Variants in SCGB2B2 observed in about 807,000 individuals in gnomAD.
The protein encoded by SCGB2B2 is secretoglobin family 2B member 2.
A neutral mutation model predicts 7.6 loss-of-function variants in SCGB2B2; 11 were observed. That is an observed-to-expected ratio of 1.45 (90% CI 0.91 to 2.40). SCGB2B2 has a LOEUF of 2.40. Among genes scored for constraint, SCGB2B2 ranks in the 30% most tolerant of loss-of-function variants. The pLI, the probability that SCGB2B2 is intolerant of heterozygous loss-of-function variation, is 0.00. For missense variants in SCGB2B2, 104 were observed against 115.4 expected, an observed-to-expected ratio of 0.90 and a Z score of 0.45; for synonymous variants, 50 against 48.6, an observed-to-expected ratio of 1.03 and a Z score of -0.12.
chr19:34,588,050 T>C (rs575303583), downstream of SCGB2B2, among the ~76,000 whole-genome samples: 8 of 152,334 alleles, frequency 5.3e-5, no homozygotes, highest in Admixed American at 5.2e-4. Context: ...TAAACTGAAT[T>C]TGGAAGAATT....
chr19:34,615,858 T>A (rs1323482091), intron 1 of SCGB2B2, among the ~76,000 whole-genome samples: 3 of 112,886 alleles, frequency 2.7e-5, no homozygotes, highest in Non-Finnish European at 5.2e-5. Context: ...CCCACAACAG[T>A]CCCCAGAGTG....
chr19:34,630,970 T>C (rs975944241), intron 1 of SCGB2B2, among the ~76,000 whole-genome samples: 4 of 151,784 alleles, frequency 2.6e-5, no homozygotes, highest in Non-Finnish European at 4.4e-5. Context: ...TGTAGGGACA[T>C]GGATGAAGCT....
At chr19:34,597,676 G>A (rs1184189758) in intron 1 of SCGB2B2, among the ~76,000 whole-genome samples, 2 of 152,138 alleles carry the variant, frequency 1.3e-5, no homozygotes, top group Non-Finnish European at 2.9e-5. Flanking sequence ...CTGGGCACAG[G>A]AGGGACGCGA....
intron 1 of SCGB2B2, among the ~76,000 whole-genome samples, chr19:34,661,541 G>T (rs1248442722): frequency 6.6e-6 from 1 of 152,218 alleles, no homozygotes; most frequent in Non-Finnish European, 1.5e-5. Flanking sequence ...CCAGAGTCAA[G>T]AACTAAGTAA....
chr19:34,642,739 A>AAAAAAAAAT (rs1555747824), intron 1 of SCGB2B2, among the ~76,000 whole-genome samples: 4 of 148,380 alleles, frequency 2.7e-5, no homozygotes, highest in Non-Finnish European at 6.0e-5. Flanking sequence ...AAAAAAAAAA[A>AAAAAAAAAT]GTGGGCAAAG....
chr19:34,661,088 C>A (rs2067440381), intron 1 of SCGB2B2, among the ~76,000 whole-genome samples: 1 of 141,120 alleles, frequency 7.1e-6, no homozygotes, highest in African/African-American at 2.7e-5. Context: ...AACACATGGA[C>A]ACAGGGCAGG....
intron 1 of SCGB2B2, among the ~76,000 whole-genome samples, chr19:34,660,239 C>G (rs12610931): frequency 0.11 from 16,835 of 152,178 alleles, 979 homozygotes; most frequent in East Asian, 0.22. Context: ...GACTTTATGA[C>G]TGAAACACCA....
chr19:34,612,231 G>A (rs1001031781), intron 1 of SCGB2B2, among the ~76,000 whole-genome samples: 5 of 149,528 alleles, frequency 3.3e-5, no homozygotes, highest in African/African-American at 9.9e-5. Flanking sequence ...TAGAGACCGG[G>A]TTTCACTATG....
intron 1 of SCGB2B2, among the ~76,000 whole-genome samples, chr19:34,633,553 G>GA (rs2066593466): frequency 6.6e-6 from 1 of 152,098 alleles, no homozygotes. Context: ...TAAAGTTTTA[G>GA]AAAAAGAAAA....
chr19:34,606,091 T>A (rs1418843039), intron 1 of SCGB2B2, among the ~76,000 whole-genome samples: 1 of 151,724 alleles, frequency 6.6e-6, no homozygotes, highest in Non-Finnish European at 1.5e-5. Flanking sequence ...TTTAAAAAAA[T>A]TTTATGTAGT....
chr19:34,633,714 C>T (rs1326347747), intron 1 of SCGB2B2, among the ~76,000 whole-genome samples: 4 of 152,046 alleles, frequency 2.6e-5, no homozygotes, highest in African/African-American at 9.7e-5. Flanking sequence ...CCTGGGTGTA[C>T]ACATTAGATA....
At chr19:34,600,760 C>T (rs1301543608) in intron 1 of SCGB2B2, among the ~76,000 whole-genome samples, 1 of 151,992 alleles carries the variant, frequency 6.6e-6, no homozygotes, top group Non-Finnish European at 1.5e-5. Flanking sequence ...GGCGTTCTTT[C>T]TATATTCTTG....
At chr19:34,653,197 C>T (rs865936370) in intron 1 of SCGB2B2, among the ~76,000 whole-genome samples, 1 of 151,008 alleles carries the variant, frequency 6.6e-6, no homozygotes, top group Non-Finnish European at 1.5e-5. Context: ...TTACTTGAGG[C>T]AGGAAGTAGT....
chr19:34,633,795 A>AC (rs1353596410), intron 1 of SCGB2B2, among the ~76,000 whole-genome samples: 3 of 151,776 alleles, frequency 2.0e-5, no homozygotes, highest in Admixed American at 6.6e-5. Flanking sequence ...AGCTTTAAAA[A>AC]ATGGCTCCAC....
intron 1 of SCGB2B2, among the ~76,000 whole-genome samples, chr19:34,622,121 G>GTAAC (rs1262567334): frequency 6.6e-6 from 1 of 152,180 alleles, no homozygotes; most frequent in Non-Finnish European, 1.5e-5. Flanking sequence ...AGCCACTGCT[G>GTAAC]TAACTGCTCA....
intron 1 of SCGB2B2, among the ~76,000 whole-genome samples, chr19:34,666,245 A>G (rs1253775054): frequency 3.3e-5 from 5 of 152,084 alleles, no homozygotes; most frequent in Non-Finnish European, 7.4e-5. Context: ...AGAGGCAGCC[A>G]CAAGGCCGGT....
chr19:34,588,247 TC>T (rs2065224042), downstream of SCGB2B2, among the ~76,000 whole-genome samples: 1 of 152,354 alleles, frequency 6.6e-6, no homozygotes, highest in South Asian at 2.1e-4. Flanking sequence ...TTCAGTTCAA[TC>T]TTGGAAGGTT....
Position 34,653,935 on chromosome 19 carries a change from G to A in SCGB2B2, c.-2032+21695C>T, listed in dbSNP as rs191487426. On this transcript the variant is annotated intron_variant, in intron 1 of 3. Transcript: ENST00000601241. ...ATGAGGATGCCTACTCGTACCACTC[G>A]TATTTAACATGGTACTGGAAGTCCC... Among the ~76,000 whole-genome samples, 211 of 149,902 alleles carry A rather than the reference G, an allele frequency of 1.4e-3. 6 individuals carry two copies. The highest frequency in any genetic ancestry group is 0.01 in the Admixed American group (153 of 15,146).
intron 1 of SCGB2B2, among the ~76,000 whole-genome samples, chr19:34,607,397 C>A (rs978167629): frequency 3.5e-4 from 53 of 152,108 alleles, no homozygotes; most frequent in South Asian, 2.1e-4. Flanking sequence ...ATCTTGGTGA[C>A]CATGAATAAT....
Sources: allele counts gnomAD v4.1 joint callset (sites outside exome capture counted in the v4.1 genomes callset), GRCh38; gene constraint gnomAD v4.1.1; transcripts MANE v1.5; gene names NCBI Gene and HGNC (gene_info 2026-07-23, HGNC 2026-07-21).